B4GALT6: variants seen among roughly 807,000 people sequenced by gnomAD.
B4GALT6 encodes the protein beta-1,4-galactosyltransferase 6, also known as UDP-Gal:beta-GlcNAc beta-1,4-galactosyltransferase 6.
In B4GALT6, 14 loss-of-function variants were observed where a neutral mutation model predicts 46.3. The ratio of observed to expected loss-of-function variants is 0.30; its 90% CI spans 0.20 to 0.47. The LOEUF (loss-of-function observed/expected upper bound fraction) is 0.47. B4GALT6 is among the 20% of genes least tolerant of loss of function. The pLI, the probability that B4GALT6 is intolerant of heterozygous loss-of-function variation, is 0.99. For synonymous variants in B4GALT6, 168 were observed against 162.0 expected (o/e 1.04, Z -0.28); for missense variants, 386 against 480.1 (o/e 0.80, Z 1.83).
intron 2 of B4GALT6, among the ~76,000 whole-genome samples, chr18:31,661,805 T>C (rs1314486190): frequency 6.6e-6 from 1 of 152,214 alleles, no homozygotes; most frequent in Non-Finnish European, 1.5e-5. Context: ...CCTTGAGACG[T>C]TACAAGGCTC....
intron 2 of B4GALT6, among the ~76,000 whole-genome samples, chr18:31,663,332 T>C (rs2074242595): frequency 6.6e-6 from 1 of 152,196 alleles, no homozygotes. Context: ...ACCCATCAAA[T>C]GAGGAGGCAT....
At chr18:31,691,477 G>C in the B4GALT6 span, among the ~76,000 whole-genome samples, 1 of 151,678 alleles carries the variant, frequency 6.6e-6, no homozygotes, top group South Asian at 2.1e-4. Context: ...ATGAAAGATA[G>C]TATACTATGA....
chr18:31,685,288 C>A (rs1393965101), upstream of B4GALT6, among the ~76,000 whole-genome samples: 1 of 132,520 alleles, frequency 7.5e-6, no homozygotes, highest in African/African-American at 2.5e-5. Flanking sequence ...GAAGAGCAAC[C>A]GGGCGACGCG....
intron 3 of B4GALT6, among the ~76,000 whole-genome samples, chr18:31,655,182 G>C (rs189504042): frequency 1.3e-5 from 2 of 152,210 alleles, no homozygotes; most frequent in Admixed American, 1.3e-4. Flanking sequence ...CGGGCAGCTC[G>C]TGCAAGGCTC....
At chr18:31,696,610 T>C in the B4GALT6 span, among the ~76,000 whole-genome samples, 1 of 152,234 alleles carries the variant, frequency 6.6e-6, no homozygotes, top group African/African-American at 2.4e-5. Context: ...CCAAATAGTC[T>C]CCATTCCATA....
At chr18:31,653,424 T>C (rs911429835) in intron 3 of B4GALT6, among the ~76,000 whole-genome samples, 3 of 146,326 alleles carry the variant, frequency 2.1e-5, no homozygotes, top group African/African-American at 7.5e-5. Flanking sequence ...GTCACATTCA[T>C]AACCTTTTTT....
At chr18:31,633,396 C>CT (rs201022770) in intron 5 of B4GALT6, among the ~76,000 whole-genome samples, 4,418 of 152,278 alleles carry the variant, frequency 0.029, 70 homozygotes, top group Middle Eastern at 0.068. Context: ...TAATATAAAA[C>CT]TACCACCTAT....
In B4GALT6 at chr18:31,645,372, A is replaced by G; in HGVS notation, c.454T>C (p.Cys152Arg). ...TACCTCACCTTCCATCTGGGTTTAC[A>G]GTCTTTTGGCCTCCAATGACCCCCT... ...EPGGHWRPKD[C>R]KPRWKVAVLI... is the part of the protein sequence containing the mutation. The change falls in exon 4 of 9, where the codon TGT becomes CGT. Residue 152 changes from cysteine to arginine, a missense_variant. By Grantham distance (180) the Cys-to-Arg change is radical. Around this residue, in one of 2 missense-constraint regions of B4GALT6, gnomAD observed 323 missense variants for 438.9 expected, o/e 0.74. Coordinates refer to ENST00000306851, the MANE Select transcript of B4GALT6 (RefSeq NM_004775.5). 2 of 1,613,566 alleles carry G rather than the reference A, an allele frequency of 1.2e-6. No homozygotes were observed. Among genetic ancestry groups the G allele is most frequent in the Non-Finnish European group, 1.7e-6 (2 of 1,179,840 alleles).
chr18:31,703,692 C>T, the B4GALT6 span, among the ~76,000 whole-genome samples: 711 of 152,268 alleles, frequency 4.7e-3, 5 homozygotes, highest in South Asian at 0.016. Context: ...AAGAATGAGC[C>T]TAATAGCTGA....
At chr18:31,661,519 TTAGC>T (rs1229342700) in intron 2 of B4GALT6, among the ~76,000 whole-genome samples, 1 of 152,112 alleles carries the variant, frequency 6.6e-6, no homozygotes, top group East Asian at 1.9e-4. Flanking sequence ...TCTTCATTAA[TTAGC>T]TAGTGTGCGC....
At chr18:31,674,044 G>A (rs921831791) in intron 1 of B4GALT6, among the ~76,000 whole-genome samples, 4 of 152,174 alleles carry the variant, frequency 2.6e-5, no homozygotes, top group African/African-American at 7.2e-5. Flanking sequence ...AGCCTCCAGA[G>A]GGACTGTCCT....
At chr18:31,678,465 T>C (rs2074441450) in intron 1 of B4GALT6, among the ~76,000 whole-genome samples, 1 of 152,198 alleles carries the variant, frequency 6.6e-6, no homozygotes, top group Non-Finnish European at 1.5e-5. Flanking sequence ...AGAGAGCTTG[T>C]ATTTCCCCAA....
intron 1 of B4GALT6, among the ~76,000 whole-genome samples, chr18:31,669,499 A>T (rs1193984104): frequency 6.6e-6 from 1 of 152,140 alleles, no homozygotes; most frequent in Non-Finnish European, 1.5e-5. Context: ...TTAGTTCCTG[A>T]TCTTATTCTT....
At chr18:31,681,352 G>C (rs1468284357) in intron 1 of B4GALT6, among the ~76,000 whole-genome samples, 1 of 152,212 alleles carries the variant, frequency 6.6e-6, no homozygotes, top group East Asian at 1.9e-4. Flanking sequence ...AATAATTTAT[G>C]GCTCTGGCCT....
the B4GALT6 span, among the ~76,000 whole-genome samples, chr18:31,699,336 G>A: frequency 6.9e-6 from 1 of 144,506 alleles, no homozygotes; most frequent in African/African-American, 2.5e-5. Context: ...GCAATGGTAT[G>A]ATCTTCGTTC....
At chr18:31,675,628 T>C (rs1379079766) in intron 1 of B4GALT6, among the ~76,000 whole-genome samples, 1 of 151,948 alleles carries the variant, frequency 6.6e-6, no homozygotes, top group Non-Finnish European at 1.5e-5. Context: ...CCTAAGAGAG[T>C]TATGAACCAC....
At chr18:31,676,433 G>T (rs1278971866) in intron 1 of B4GALT6, among the ~76,000 whole-genome samples, 2 of 152,078 alleles carry the variant, frequency 1.3e-5, no homozygotes, top group Admixed American at 1.3e-4. Flanking sequence ...AAGTTTTATT[G>T]ATCTTAAGTA....
chr18:31,691,682 T>TG, the B4GALT6 span, among the ~76,000 whole-genome samples: 2 of 152,146 alleles, frequency 1.3e-5, no homozygotes, highest in Non-Finnish European at 2.9e-5. Flanking sequence ...TAAATCATTC[T>TG]GGGGGGAAAA....
intron 3 of B4GALT6, among the ~76,000 whole-genome samples, chr18:31,647,275 G>A (rs2074002028): frequency 1.3e-5 from 2 of 152,086 alleles, no homozygotes; most frequent in Admixed American, 1.3e-4. Context: ...CAGCTTTATT[G>A]CTTCAACAGC....
Sources: allele counts gnomAD v4.1 joint callset (sites outside exome capture counted in the v4.1 genomes callset), GRCh38; gene constraint gnomAD v4.1.1; regional missense constraint gnomAD v4.1.1; transcripts MANE v1.5; gene names NCBI Gene and HGNC (gene_info 2026-07-23, HGNC 2026-07-21).